CHST12: variants seen among roughly 807,000 people sequenced by gnomAD.
The protein encoded by CHST12 is carbohydrate sulfotransferase 12, also known as carbohydrate (chondroitin 4) sulfotransferase 12.
In CHST12, 23 loss-of-function variants were observed where a neutral mutation model predicts 27.9. The ratio of observed to expected loss-of-function variants is 0.82; its 90% confidence interval spans 0.59 to 1.17. The LOEUF (loss-of-function observed/expected upper bound fraction) is 1.17. Ranked by LOEUF, CHST12 falls within the 50% of genes most tolerant of loss-of-function variation. The probability of loss-of-function intolerance (pLI) is 0.00; values close to 1 mark genes in which losing one functional copy is unlikely to be tolerated. For synonymous variants in CHST12, 322 were observed against 273.0 expected (o/e 1.18, Z -1.77); for missense variants, 682 against 603.0 (o/e 1.13, Z -1.37).
At chr7:2,410,882 A>G (rs1342506152) in intron 1 of CHST12, among the ~76,000 whole-genome samples, 1 of 152,024 alleles carries the variant, frequency 6.6e-6, no homozygotes, top group Non-Finnish European at 1.5e-5. Context: ...CTTTTAATAG[A>G]ATAACCGTGG....
At chr7:2,409,733 CT>C (rs1277988396) in intron 1 of CHST12, among the ~76,000 whole-genome samples, 3 of 152,236 alleles carry the variant, frequency 2.0e-5, no homozygotes, top group Middle Eastern at 3.4e-3. Flanking sequence ...TGATTTCACT[CT>C]TTCATGGATA....
chr7:2,424,258 C>A (rs1782049072), intron 1 of CHST12, among the ~76,000 whole-genome samples: 1 of 151,486 alleles, frequency 6.6e-6, no homozygotes, highest in African/African-American at 2.4e-5. Flanking sequence ...TGGGACAACC[C>A]AGGAAGTTGA....
Position 2,434,053 on chromosome 7 carries a change from A to G in CHST12, c.*169A>G. 1.9e-6 allele frequency: 1 copy of G among 537,300 alleles called. No individual in the cohort carries two copies. The highest frequency in any genetic ancestry group is 4.1e-5 in the South Asian group (1 of 24,658). 33.3% of individuals were successfully genotyped at this position (537,300 alleles called of 1,614,324 possible). A position where few individuals can be genotyped will look rare whatever the true frequency, so the allele number is the denominator to read the frequency against. ...TAAGATTAATATATTTCAGGTATTT[A>G]ATACGAAATGTGGAAGGGAATGCTG... On this transcript the variant is annotated 3_prime_UTR_variant, in exon 2 of 2. Transcript: ENST00000618655.
rs1285044057 is a variant in CHST12 at position 2,435,847 on chromosome 7, C to T, written c.*1963C>T. ...TTTTGTTTTTGGAGACAGGGTCTCGCTCTGTCATCCGGGCTGGAATACACT... is the reference window on the plus strand; with the variant it reads ...TTTTGTTTTTGGAGACAGGGTCTCGTTCTGTCATCCGGGCTGGAATACACT... On this transcript the variant is annotated 3_prime_UTR_variant, in exon 2 of 2. Coordinates refer to ENST00000618655, the MANE Select transcript of CHST12 (RefSeq NM_018641.5). The T allele has an allele frequency of 1.3e-5, 2 of 152,392 alleles. No individual in the cohort carries two copies. Among genetic ancestry groups the T allele is most frequent in the Non-Finnish European group, 2.9e-5 (2 of 68,200 alleles). 9.4% of individuals were successfully genotyped at this position (152,392 alleles called of 1,614,324 possible). A position where few individuals can be genotyped will look rare whatever the true frequency, so the allele number is the denominator to read the frequency against.
At position 2,437,019 on chromosome 7, in the gene CHST12, GC is replaced by G. The variant is rs1398355798; in HGVS notation, c.*3137del. ...AACCCACTTTGATTCTTCGCTGTTTGCCTGATGCGCAGCACCACACTGCGTA... is the reference window on the plus strand; with the variant it reads ...AACCCACTTTGATTCTTCGCTGTTTGCTGATGCGCAGCACCACACTGCGTA... On this transcript the variant is annotated 3_prime_UTR_variant, in exon 2 of 2. Transcript: ENST00000618655. 1 of 152,254 alleles carries G rather than the reference GC, an allele frequency of 6.6e-6. No homozygotes were observed. The highest frequency in any genetic ancestry group is 1.5e-5 in the Non-Finnish European group (1 of 68,052). The allele number at this position is 152,254 out of a possible 1,614,324, so 9.4% of individuals were successfully genotyped here.
At chr7:2,422,297 T>C (rs1055559566) in intron 1 of CHST12, among the ~76,000 whole-genome samples, 6 of 151,924 alleles carry the variant, frequency 3.9e-5, no homozygotes, top group Middle Eastern at 3.4e-3. Context: ...CAGGCTGGAG[T>C]GCAGTGGCGC....
At chr7:2,408,536 TAAAATG>T (rs1781583152) in intron 1 of CHST12, among the ~76,000 whole-genome samples, 2 of 151,974 alleles carry the variant, frequency 1.3e-5, no homozygotes, top group East Asian at 1.9e-4. Flanking sequence ...TAACTACAAT[TAAAATG>T]AAAAGAAGCA....
In CHST12 at chr7:2,432,616, A is replaced by C. The variant is rs1426857048; in HGVS notation, c.-24A>C. ...GGAAGCTGAAGTGAGAGGCCCGGAG[A>C]GGGCCCAGCCCGCCCGGGGCAGGAT... On this transcript the variant is annotated 5_prime_UTR_variant, in exon 2 of 2. Coordinates refer to ENST00000618655, the MANE Select transcript of CHST12 (RefSeq NM_018641.5). 1 of 1,590,278 alleles carries C rather than the reference A, an allele frequency of 6.3e-7. No homozygotes were observed. Among genetic ancestry groups the C allele is most frequent in the Admixed American group, 1.7e-5 (1 of 58,498 alleles).
chr7:2,415,401 G>A lies in CHST12; in HGVS notation c.-78+11728G>A, dbSNP rs1781776931. ...AAAAGTTTTATGTTTACACTATACT[G>A]TAGTCTATTAAGTGTGCAATAGCAT... is the stretch of plus-strand genomic sequence containing the variant. On this transcript the variant is annotated intron_variant, in intron 1 of 1. Transcript: ENST00000618655. 2.0e-5 allele frequency among the ~76,000 whole-genome samples: 3 copies of A among 151,918 alleles called. No homozygotes were observed. In the South Asian group the frequency reaches 6.2e-4, roughly 32 times the overall value.
intron 1 of CHST12, among the ~76,000 whole-genome samples, chr7:2,416,061 T>A (rs961788487): frequency 2.6e-5 from 4 of 152,212 alleles, no homozygotes; most frequent in Non-Finnish European, 5.9e-5. Context: ...TCTCAAACCT[T>A]GCCACTGCAT....
At chr7:2,405,189 A>C (rs1232818517) in intron 1 of CHST12, among the ~76,000 whole-genome samples, 1 of 152,160 alleles carries the variant, frequency 6.6e-6, no homozygotes, top group Non-Finnish European at 1.5e-5. Context: ...TCGTGACTGT[A>C]ATCCCAGCAC....
Position 2,444,300 on chromosome 7 carries a change from A to C in CHST12, c.*10416A>C. The C allele has an allele frequency of 6.7e-6, 1 of 150,326 alleles. No homozygotes were observed. Among genetic ancestry groups the C allele is most frequent in the Non-Finnish European group, 1.5e-5 (1 of 67,602 alleles). 9.3% of individuals were successfully genotyped at this position (150,326 alleles called of 1,614,324 possible). ...CTCCGTCTCAAAAAAAAAAAAAAAA[A>C]AAAAAAAATACAAAAATTAGCTGGG... On this transcript the variant is annotated 3_prime_UTR_variant, in exon 2 of 2. Transcript: ENST00000618655.
Position 2,433,507 on chromosome 7 carries a change from G to C in CHST12, c.868G>C (p.Glu290Gln), listed in dbSNP as rs749702612. ...NHTSLPASAR[E>Q]AFRAGLKVSF... is the part of the protein sequence containing the mutation. ...CACCAGCCTGCCCGCCTCGGCGCGC[G>C]AGGCCTTCCGCGCTGGCCTCAAGGT... Residue 290 changes from glutamate to glutamine, a missense_variant, in exon 2 of 2, where the codon GAG (glutamate) becomes CAG (glutamine). Physicochemically the swap from Glu to Gln is conservative, Grantham distance 29. Coordinates refer to ENST00000618655, the MANE Select transcript of CHST12 (RefSeq NM_018641.5). The surrounding 1 kb of genome is among the most constrained non-coding windows in gnomAD (Gnocchi z 6.1). 6.2e-7 allele frequency: 1 copy of C among 1,612,356 alleles called. No individual in the cohort carries two copies. The highest frequency in any genetic ancestry group is 8.5e-7 in the Non-Finnish European group (1 of 1,179,900).
chr7:2,410,096 G>A (rs1007678080), intron 1 of CHST12, among the ~76,000 whole-genome samples: 2 of 152,066 alleles, frequency 1.3e-5, no homozygotes, highest in South Asian at 2.1e-4. Context: ...GCTTTCTTTC[G>A]TCGTTTTCCA....
intron 1 of CHST12, among the ~76,000 whole-genome samples, chr7:2,426,924 G>T (rs1158836695): frequency 6.6e-6 from 1 of 152,162 alleles, no homozygotes; most frequent in Non-Finnish European, 1.5e-5. Flanking sequence ...CTGGGAGGCG[G>T]AGGTTGCAGT....
chr7:2,412,426 T>C (rs910598381), intron 1 of CHST12, among the ~76,000 whole-genome samples: 1 of 152,198 alleles, frequency 6.6e-6, no homozygotes, highest in African/African-American at 2.4e-5. Flanking sequence ...TTGCCTTATA[T>C]AGTGTCTGTA....
In CHST12 at chr7:2,441,866, A is replaced by G. The variant is rs1277727134; in HGVS notation, c.*7982A>G. 6.6e-6 allele frequency: 1 copy of G among 152,118 alleles called. No individual in the cohort carries two copies. The highest frequency in any genetic ancestry group is 6.6e-5 in the Admixed American group (1 of 15,254). 9.4% of individuals were successfully genotyped at this position (152,118 alleles called of 1,614,324 possible). A position where few individuals can be genotyped will look rare whatever the true frequency, so the allele number is the denominator to read the frequency against. On this transcript the variant is annotated 3_prime_UTR_variant, in exon 2 of 2. Transcript: ENST00000618655. ...AACTGGTGTTAATTTCAGTTCTTTT[A>G]AAAGTTGTGGTAAGATACATGCAAC... is the stretch of plus-strand genomic sequence containing the variant.
At chr7:2,430,228 A>G (rs1304172992) in intron 1 of CHST12, among the ~76,000 whole-genome samples, 1 of 151,304 alleles carries the variant, frequency 6.6e-6, no homozygotes, top group African/African-American at 2.4e-5. Flanking sequence ...GTGTTTGTGG[A>G]TTTTCCTGTT....
Position 2,436,132 on chromosome 7 carries a change from T to G in CHST12, c.*2248T>G, listed in dbSNP as rs758475549. On this transcript the variant is annotated 3_prime_UTR_variant, in exon 2 of 2. Transcript: ENST00000618655. ...CCTGGCCCCTCCAAGTTTTTTATTA[T>G]GATAAAAATGTTTAATTTTAAACGT... The G allele has an allele frequency of 6.6e-6, 1 of 152,228 alleles. No homozygotes were observed. Among genetic ancestry groups the G allele is most frequent in the Non-Finnish European group, 1.5e-5 (1 of 68,056 alleles). 9.4% of individuals were successfully genotyped at this position (152,228 alleles called of 1,614,324 possible). A position where few individuals can be genotyped will look rare whatever the true frequency, so the allele number is the denominator to read the frequency against.
Sources: gnomAD v4.1 joint callset for allele counts (sites outside exome capture counted in the v4.1 genomes callset) on GRCh38, gnomAD v4.1.1 for gene constraint, Gnocchi (gnomAD v3.1) non-coding constraint, MANE v1.5 for transcripts, NCBI Gene and HGNC (gene_info 2026-07-23, HGNC 2026-07-21) for gene names.